Variants in ARHGEF12 observed in about 807,000 individuals in gnomAD.
ARHGEF12 encodes the protein Rho guanine nucleotide exchange factor 12.
In ARHGEF12, 66 loss-of-function variants were observed where a neutral mutation model predicts 211.2. The observed-to-expected ratio is 0.31, with a 90% CI of 0.26 to 0.38. The LOEUF (loss-of-function observed/expected upper bound fraction) is 0.38, where lower values mean the gene tolerates loss of function less well. Ranked by LOEUF, ARHGEF12 falls within the 10% of genes least tolerant of loss-of-function variation. The pLI is 1.00. For synonymous variants in ARHGEF12, 592 were observed against 638.4 expected, an observed-to-expected ratio of 0.93 and a Z score of 1.09; for missense variants, 1,429 against 1,869.5, an observed-to-expected ratio of 0.76 and a Z score of 4.34.
chr11:120,442,056 T>C, intron 14 of ARHGEF12, 48 bp from the exon 15 acceptor site: 1 of 1,392,106 alleles, frequency 7.2e-7, no homozygotes, highest in Non-Finnish European at 9.9e-7. Context: ...CAAATTACAT[T>C]TTTCATGGTT....
intron 1 of ARHGEF12, among the ~76,000 whole-genome samples, chr11:120,372,419 T>C (rs1196508562): frequency 1.3e-5 from 2 of 152,140 alleles, no homozygotes; most frequent in Non-Finnish European, 2.9e-5. Flanking sequence ...ATTGTAGTTA[T>C]TTGTGCTTCA....
chr11:120,376,565 T>G (rs746935322), intron 1 of ARHGEF12, among the ~76,000 whole-genome samples: 3 of 152,202 alleles, frequency 2.0e-5, no homozygotes, highest in Non-Finnish European at 4.4e-5. Flanking sequence ...TGCAATATTT[T>G]GAGACAGGGA....
At chr11:120,457,933 A>C in intron 24 of ARHGEF12, 147 bp from the exon 25 acceptor site, 2 of 1,173,530 alleles carry the variant, frequency 1.7e-6, no homozygotes, top group South Asian at 3.0e-5. Context: ...AGTATGTATA[A>C]AACAGCCATT....
At chr11:120,477,806 A>T (rs1947094826) in intron 36 of ARHGEF12, among the ~76,000 whole-genome samples, 1 of 150,920 alleles carries the variant, frequency 6.6e-6, no homozygotes. Flanking sequence ...GGCGGAGGTT[A>T]CGGTGAGCCG....
chr11:120,466,341 A>G (rs1299898694), intron 28 of ARHGEF12, among the ~76,000 whole-genome samples: 1 of 152,228 alleles, frequency 6.6e-6, no homozygotes, highest in Non-Finnish European at 1.5e-5. Flanking sequence ...GAACAGAGAG[A>G]TCTCTGCCAT....
chr11:120,424,362 A>G lies in ARHGEF12; in HGVS notation c.353A>G (p.Asn118Ser). 6.2e-7 allele frequency: 1 copy of G among 1,612,472 alleles called. No individual in the cohort carries two copies. The highest frequency in any genetic ancestry group is 8.5e-7 in the Non-Finnish European group (1 of 1,179,028). The change falls in exon 7 of 41, where the codon AAT becomes AGT. Residue 118 changes from asparagine (N) to serine (S), a missense_variant. Asn to Ser is a conservative substitution (Grantham distance 46). Transcript: ENST00000397843. ...ACTACTTTCGTTTTCTTACAGGTGA[A>G]TGGAACTCTGGTGACTCATTCAAAT... is the stretch of plus-strand genomic sequence containing the variant. ...VQTGDRIIKVNGTLVTHSNHL... is the reference protein window; with the variant it reads ...VQTGDRIIKVSGTLVTHSNHL...
intron 1 of ARHGEF12, among the ~76,000 whole-genome samples, chr11:120,378,732 T>C (rs753576992): frequency 6.6e-6 from 1 of 152,244 alleles, no homozygotes; most frequent in Non-Finnish European, 1.5e-5. Flanking sequence ...AAGACTGTCC[T>C]TTTCCCGTTG....
chr11:120,355,085 A>G (rs892395408), intron 1 of ARHGEF12, among the ~76,000 whole-genome samples: 2 of 152,256 alleles, frequency 1.3e-5, no homozygotes, highest in South Asian at 4.1e-4. Flanking sequence ...CGATATGACT[A>G]ATCTGGAGGA....
At position 120,469,344 on chromosome 11, in the gene ARHGEF12, T is replaced by C; in HGVS notation, c.2911T>C (p.Leu971=). The change falls in exon 30 of 41, where the codon TTA becomes CTA. Residue 971 remains leucine (L), a synonymous_variant. Transcript: ENST00000397843. ...AGCTGCAGATCACTGTCGTCAGATC[T>C]TAAATTATGTAAATCAGGCTGTCAA... is the stretch of plus-strand genomic sequence containing the variant. ...KKAADHCRQI[L]NYVNQAVKEA... 1 of 1,613,414 alleles carries C rather than the reference T, an allele frequency of 6.2e-7. No individual in the cohort carries two copies. The highest frequency in any genetic ancestry group is 8.5e-7 in the Non-Finnish European group (1 of 1,179,650).
chr11:120,473,259 AT>A, intron 31 of ARHGEF12, 132 bp downstream of exon 31: 36 of 785,896 alleles, frequency 4.6e-5, no homozygotes, highest in Non-Finnish European at 5.3e-5. Context: ...TGTATTTATG[AT>A]TTTTTTTGCT....
intron 1 of ARHGEF12, among the ~76,000 whole-genome samples, chr11:120,347,266 C>CTGTGTGTG (rs1403212586): frequency 5.2e-4 from 69 of 133,592 alleles, no homozygotes; most frequent in African/African-American, 1.8e-3. Flanking sequence ...CTCTCTCTCT[C>CTGTGTGTG]TGTCTGTGTG....
chr11:120,398,357 T>C (rs1944453078), intron 1 of ARHGEF12, among the ~76,000 whole-genome samples: 1 of 152,180 alleles, frequency 6.6e-6, no homozygotes, highest in South Asian at 2.1e-4. Context: ...CCTCCAACCT[T>C]TCAAATTCAG....
chr11:120,337,502 G>C (rs750390778), intron 1 of ARHGEF12: 13 of 985,416 alleles, frequency 1.3e-5, no homozygotes, highest in Non-Finnish European at 1.4e-5. Context: ...TCTCAGAGAA[G>C]GGGGAGGCAA....
At chr11:120,484,344 A>T in intron 39 of ARHGEF12, 94 bp from the exon 40 acceptor site, 1 of 1,066,394 alleles carries the variant, frequency 9.4e-7, no homozygotes, top group African/African-American at 1.6e-5. Flanking sequence ...TTGTACCTGT[A>T]ATGTAAAAAG....
At chr11:120,367,608 C>T (rs1303927129) in intron 1 of ARHGEF12, among the ~76,000 whole-genome samples, 1 of 152,060 alleles carries the variant, frequency 6.6e-6, no homozygotes, top group Non-Finnish European at 1.5e-5. Context: ...TCATGATCTG[C>T]CCACCTTGGC....
At chr11:120,361,169 AG>A (rs1198702802) in intron 1 of ARHGEF12, among the ~76,000 whole-genome samples, 3 of 152,344 alleles carry the variant, frequency 2.0e-5, no homozygotes, top group South Asian at 4.1e-4. Flanking sequence ...AGTTTATAGC[AG>A]GGGTCCCCAA....
chr11:120,463,548 C>CAAAA, intron 27 of ARHGEF12: 1 of 130,066 alleles, frequency 7.7e-6, no homozygotes, highest in South Asian at 2.7e-4. Context: ...AAAAAAAAAC[C>CAAAA]AAAAAAAACT....
rs189928578 is a variant in ARHGEF12 at position 120,470,608 on chromosome 11, C to T, written c.2955+1220C>T. Among the ~76,000 whole-genome samples, 89 of 152,232 alleles carry T rather than the reference C, an allele frequency of 5.8e-4. 1 individual carries two copies. Among genetic ancestry groups the T allele is most frequent in the African/African-American group, 2.0e-3 (85 of 41,538 alleles). On this transcript the variant is annotated intron_variant, in intron 30 of 40. Transcript: ENST00000397843. ...CAGGGGCTGATTGAATCCGTGAACA[C>T]GGATGTAGTTTCTTAGGAGCTGAGT...
At chr11:120,344,134 C>G (rs966325267) in intron 1 of ARHGEF12, among the ~76,000 whole-genome samples, 6 of 151,768 alleles carry the variant, frequency 4.0e-5, no homozygotes, top group African/African-American at 1.5e-4. Context: ...GACCAGGTGG[C>G]ACATGCCTGT....
Sources: allele counts gnomAD v4.1 joint callset (sites outside exome capture counted in the v4.1 genomes callset), GRCh38; gene constraint gnomAD v4.1.1; transcripts MANE v1.5; gene names NCBI Gene and HGNC (gene_info 2026-07-23, HGNC 2026-07-21).